The following ENTREP2 variants were observed in gnomAD, a reference collection of about 807,000 sequenced individuals.
ENTREP2 encodes the protein endosomal transmembrane epsin interactor 2.
chr15:29,131,362 A>C, the ENTREP2 span, among the ~76,000 whole-genome samples: 3 of 151,788 alleles, frequency 2.0e-5, no homozygotes, highest in African/African-American at 7.3e-5. Context: ...TCTCGCACTC[A>C]GGTTCCCTTC....
the ENTREP2 span, among the ~76,000 whole-genome samples, chr15:29,434,580 G>A: frequency 6.6e-6 from 1 of 152,230 alleles, no homozygotes; most frequent in Admixed American, 6.5e-5. Context: ...CATCCACATG[G>A]TGCAAAATAA....
chr15:29,629,744 C>T, the ENTREP2 span, among the ~76,000 whole-genome samples: 23 of 152,054 alleles, frequency 1.5e-4, no homozygotes, highest in Non-Finnish European at 2.9e-5. Context: ...TTGTTTTTTT[C>T]TTTCATTCTG....
At chr15:29,214,539 G>A in the ENTREP2 span, among the ~76,000 whole-genome samples, 1 of 152,244 alleles carries the variant, frequency 6.6e-6, no homozygotes, top group East Asian at 1.9e-4. Context: ...GGCCTGTTGT[G>A]GGGTGGGAGG....
chr15:29,363,787 G>A, the ENTREP2 span, among the ~76,000 whole-genome samples: 2 of 152,122 alleles, frequency 1.3e-5, no homozygotes, highest in Non-Finnish European at 2.9e-5. Context: ...GACAAGAATC[G>A]AGCATTTATA....
chr15:29,395,050 C>T, the ENTREP2 span, among the ~76,000 whole-genome samples: 60 of 136,284 alleles, frequency 4.4e-4, no homozygotes, highest in African/African-American at 1.4e-3. Flanking sequence ...CCACGCCCGG[C>T]TACTTTTTTT....
the ENTREP2 span, among the ~76,000 whole-genome samples, chr15:29,161,867 T>C: frequency 2.6e-5 from 4 of 152,052 alleles, no homozygotes; most frequent in East Asian, 5.8e-4. Flanking sequence ...GAGGCTTGCA[T>C]TGTGAATTTT....
the ENTREP2 span, chr15:29,126,308 C>T: frequency 1.6e-4 from 245 of 1,504,800 alleles, no homozygotes; most frequent in Non-Finnish European, 2.0e-4. Flanking sequence ...GCTGGTGGAG[C>T]GGGACACACG....
At chr15:29,607,742 C>T in the ENTREP2 span, among the ~76,000 whole-genome samples, 1 of 151,658 alleles carries the variant, frequency 6.6e-6, no homozygotes, top group Admixed American at 6.6e-5. Flanking sequence ...TCAAGTTTTC[C>T]TAAACTTTTA....
the ENTREP2 span, among the ~76,000 whole-genome samples, chr15:29,476,142 A>T: frequency 6.6e-6 from 1 of 152,244 alleles, no homozygotes; most frequent in East Asian, 1.9e-4. Context: ...CTTTAGCTCT[A>T]AATTTTTATA....
chr15:29,541,783 C>T, the ENTREP2 span, among the ~76,000 whole-genome samples: 1 of 152,168 alleles, frequency 6.6e-6, no homozygotes, highest in Non-Finnish European at 1.5e-5. Flanking sequence ...GACAGGTCTG[C>T]TGGTGGCCAC....
the ENTREP2 span, among the ~76,000 whole-genome samples, chr15:29,572,688 A>G: frequency 5.9e-5 from 9 of 152,132 alleles, no homozygotes; most frequent in South Asian, 1.7e-3. Context: ...TATTCAAAAA[A>G]TAGTATACAC....
the ENTREP2 span, among the ~76,000 whole-genome samples, chr15:29,651,066 A>T: frequency 3.9e-5 from 6 of 152,198 alleles, no homozygotes; most frequent in Non-Finnish European, 7.4e-5. Context: ...GCTCTTAAAC[A>T]TCCATGGCTG....
the ENTREP2 span, among the ~76,000 whole-genome samples, chr15:29,223,812 T>C: frequency 7.9e-5 from 12 of 152,210 alleles, no homozygotes; most frequent in African/African-American, 2.4e-4. Context: ...GCCTCATCCT[T>C]CTACACTGCA....
chr15:29,342,465 A>G, the ENTREP2 span, among the ~76,000 whole-genome samples: 1 of 152,126 alleles, frequency 6.6e-6, no homozygotes, highest in Non-Finnish European at 1.5e-5. Flanking sequence ...CTCCCTTCCG[A>G]TGTACAGGTC....
At chr15:29,249,145 C>T in the ENTREP2 span, among the ~76,000 whole-genome samples, 6 of 152,086 alleles carry the variant, frequency 3.9e-5, no homozygotes, top group African/African-American at 1.4e-4. Flanking sequence ...CTTGTCTCTA[C>T]TACAGTATAA....
At chr15:29,225,318 G>A in the ENTREP2 span, among the ~76,000 whole-genome samples, 5 of 152,244 alleles carry the variant, frequency 3.3e-5, no homozygotes. Context: ...CTCAGAAGCA[G>A]GAGAAGTCCC....
At chr15:29,486,634 G>A in the ENTREP2 span, among the ~76,000 whole-genome samples, 19 of 152,184 alleles carry the variant, frequency 1.2e-4, no homozygotes, top group African/African-American at 4.3e-4. Flanking sequence ...AGGTTGCAGT[G>A]AGCCAAGATT....
At chr15:29,524,242 T>G in the ENTREP2 span, among the ~76,000 whole-genome samples, 3 of 152,166 alleles carry the variant, frequency 2.0e-5, no homozygotes, top group Admixed American at 6.5e-5. Context: ...AAAAAGAGAT[T>G]TGAAGGACCA....
the ENTREP2 span, among the ~76,000 whole-genome samples, chr15:29,244,757 G>A: frequency 6.6e-6 from 1 of 152,200 alleles, no homozygotes; most frequent in Non-Finnish European, 1.5e-5. Context: ...AAATGGAGCT[G>A]CGGGACCTCC....
Sources: gnomAD v4.1 joint callset for allele counts (sites outside exome capture counted in the v4.1 genomes callset) on GRCh38, gnomAD v4.1.1 for gene constraint, MANE v1.5 for transcripts, NCBI Gene and HGNC (gene_info 2026-07-23, HGNC 2026-07-21) for gene names.